The following STEAP2 variants were observed in gnomAD, a reference collection of about 807,000 sequenced individuals.
STEAP2 encodes STEAP2 metalloreductase.
STEAP2 carries 30 observed loss-of-function variants against 46.4 expected under a neutral mutation model. The ratio of observed to expected loss-of-function variants is 0.65; its 90% CI spans 0.48 to 0.88. STEAP2 has a LOEUF of 0.88. STEAP2 is among the 40% of genes least tolerant of loss of function. The pLI, the probability that STEAP2 is intolerant of heterozygous loss-of-function variation, is 0.00. For missense variants in STEAP2, 513 were observed against 579.3 expected, an observed-to-expected ratio of 0.89 and a Z score of 1.18; for synonymous variants, 180 against 200.5, an observed-to-expected ratio of 0.90 and a Z score of 0.86.
rs1039620940 is a variant in STEAP2 at position 90,214,999 on chromosome 7, G to A, written c.-146-1492G>A. On this transcript the variant is annotated intron_variant, in intron 1 of 5. Coordinates refer to ENST00000394621, the MANE Select transcript of STEAP2 (RefSeq NM_001244944.2). ...TAGAGAGGATGACCATGTATATACT[G>A]GGAGCCAGAGTCTGCAGTCATAAGG... Among the ~76,000 whole-genome samples, 23 of 152,244 alleles carry A rather than the reference G, an allele frequency of 1.5e-4. 1 individual carries two copies. The South Asian group carries it at 3.9e-3, about 26-fold the overall frequency.
rs13228098 is a variant in STEAP2, at chr7:90,227,119, G to A, written c.641G>A (p.Gly214Glu). Reference sequence around the variant, plus strand: ...CTACGACTCTTTACTCTCTGGAGAGGGCCAGTGGTGGTAGCTATAAGCTTG... The same window carrying A: ...CTACGACTCTTTACTCTCTGGAGAGAGCCAGTGGTGGTAGCTATAAGCTTG... The part of the protein sequence containing the change: ...LPLRLFTLWR[G>E]PVVVAISLAT... The change falls in exon 4 of 6, where the codon GGG becomes GAG. Residue 214 changes from glycine (G) to glutamate (E), a missense_variant. Physicochemically the swap from Gly to Glu is moderately conservative, Grantham distance 98. Coordinates refer to ENST00000394621, the MANE Select transcript of STEAP2 (RefSeq NM_001244944.2). 41,235 of 1,613,700 alleles carry A rather than the reference G, an allele frequency of 0.026. 651 individuals carry two copies. Among genetic ancestry groups the A allele is most frequent in the Non-Finnish European group, 0.031 (36,923 of 1,179,790 alleles).
chr7:90,234,803 T>C lies in STEAP2; in HGVS notation c.*2179T>C. ...CTCCTGACCTCGTGATCCGCCCGCC[T>C]TGGCCTCCAAAGTGCTGGGATTACA... On this transcript the variant is annotated 3_prime_UTR_variant, in exon 6 of 6. Transcript: ENST00000394621. 1 of 879,948 alleles carries C rather than the reference T, an allele frequency of 1.1e-6. No homozygotes were observed. The highest frequency in any genetic ancestry group is 1.4e-6 in the Non-Finnish European group (1 of 734,182). 54.5% of individuals were successfully genotyped at this position (879,948 alleles called of 1,614,324 possible). A position where few individuals can be genotyped will look rare whatever the true frequency, so the allele number is the denominator to read the frequency against.
chr7:90,235,589 G>C lies in STEAP2; in HGVS notation c.*2965G>C. On this transcript the variant is annotated 3_prime_UTR_variant, in exon 6 of 6. Transcript: ENST00000394621. The stretch of plus-strand genomic sequence containing the variant: ...CCCCTTAGAAAGTTAAAAGAATGTA[G>C]AAAAGATACTCAGTCTTAATCCTAT... 1.0e-6 allele frequency: 1 copy of C among 979,312 alleles called. No individual in the cohort carries two copies. Among genetic ancestry groups the C allele is most frequent in the African/African-American group, 1.8e-5 (1 of 55,894 alleles). The allele number at this position is 979,312 out of a possible 1,614,324, so 60.7% of individuals were successfully genotyped here.
intron 5 of STEAP2, among the ~76,000 whole-genome samples, chr7:90,230,834 T>C (rs766829380): frequency 5.3e-5 from 8 of 151,840 alleles, no homozygotes; most frequent in Non-Finnish European, 1.0e-4. Context: ...TTCAATTCAT[T>C]GCTTATTTGC....
At chr7:90,219,982 C>T (rs561276675) in intron 2 of STEAP2, among the ~76,000 whole-genome samples, 12 of 152,310 alleles carry the variant, frequency 7.9e-5, no homozygotes, top group Admixed American at 6.5e-4. Context: ...CTGCATTGGC[C>T]TCCCAAAGTG....
At chr7:90,231,614 A>C (rs1795751704) in intron 5 of STEAP2, among the ~76,000 whole-genome samples, 1 of 152,012 alleles carries the variant, frequency 6.6e-6, no homozygotes, top group Non-Finnish European at 1.5e-5. Context: ...AAACATATCT[A>C]AACAGAGAAA....
At chr7:90,216,854 G>T (rs1795041317) in intron 2 of STEAP2, among the ~76,000 whole-genome samples, 1 of 152,134 alleles carries the variant, frequency 6.6e-6, no homozygotes, top group Non-Finnish European at 1.5e-5. Flanking sequence ...GGTGGTAGGG[G>T]GGTGACCCGT....
rs942797659 is a variant in STEAP2 at position 90,234,702 on chromosome 7, C to T, written c.*2078C>T. 1.8e-5 allele frequency: 8 copies of T among 452,326 alleles called. No homozygotes were observed. Among genetic ancestry groups the T allele is most frequent in the Non-Finnish European group, 2.3e-5 (8 of 343,270 alleles). 28.0% of individuals were successfully genotyped at this position (452,326 alleles called of 1,614,324 possible). On this transcript the variant is annotated 3_prime_UTR_variant, in exon 6 of 6. Transcript: ENST00000394621. ...AGTAGCTGGGACTACAGGTGCCCGC[C>T]ACCATGCCCGGCTGATTTCTTTTTG...
chr7:90,232,697 T>C lies in STEAP2; in HGVS notation c.*73T>C, dbSNP rs777323471. The C allele has an allele frequency of 1.1e-4, 163 of 1,466,232 alleles. No individual in the cohort carries two copies. Among genetic ancestry groups the C allele is most frequent in the Admixed American group, 2.8e-4 (12 of 43,118 alleles). The allele number at this position is 1,466,232 out of a possible 1,614,324, so 90.8% of individuals were successfully genotyped here. A position where few individuals can be genotyped will look rare whatever the true frequency, so the allele number is the denominator to read the frequency against. ...TATTTTTATGACTTCTACGTTCAGT[T>C]ACAAGTATGCTGTCAAATTATCGTG... On this transcript the variant is annotated 3_prime_UTR_variant, in exon 6 of 6. Transcript: ENST00000394621.
At chr7:90,215,000 G>A (rs1157464389) in intron 1 of STEAP2, among the ~76,000 whole-genome samples, 1 of 152,152 alleles carries the variant, frequency 6.6e-6, no homozygotes, top group Non-Finnish European at 1.5e-5. Flanking sequence ...GTATATACTG[G>A]GAGCCAGAGT....
At position 90,225,273 on chromosome 7, in the gene STEAP2, A is replaced by C. The variant is rs575263490; in HGVS notation, c.191A>C (p.Lys64Thr). Residue 64 changes from lysine (K) to threonine (T), a missense_variant, in exon 3 of 6, where the codon AAG becomes ACG. Coordinates refer to ENST00000394621, the MANE Select transcript of STEAP2 (RefSeq NM_001244944.2). ...GTGGTCATAGGAAGTAGAAATCCTA[A>C]GTTTGCTTCTGAATTTTTTCCTCAT... ...YHVVIGSRNP[K>T]FASEFFPHVV... 5 of 1,613,988 alleles carry C rather than the reference A, an allele frequency of 3.1e-6. No individual in the cohort carries two copies. In the African/African-American group the frequency reaches 6.7e-5, roughly 22 times the overall value.
Position 90,230,045 on chromosome 7 carries a change from G to A in STEAP2, c.1185+9G>A, listed in dbSNP as rs867327012. 1 of 1,608,552 alleles carries A rather than the reference G, an allele frequency of 6.2e-7. No individual in the cohort carries two copies. Among genetic ancestry groups the A allele is most frequent in the East Asian group, 2.2e-5 (1 of 44,790 alleles). ...AATTCAGTTTTATTCAGGTATGTGG[G>A]GTTTTGTTTGGTGAAGGATTGTGCA... On this transcript the variant is annotated intron_variant, in intron 5 of 5. Coordinates refer to ENST00000394621, the MANE Select transcript of STEAP2 (RefSeq NM_001244944.2).
Position 90,237,655 on chromosome 7 carries a change from T to A in STEAP2, c.*5031T>A, listed in dbSNP as rs992478050. ...AATGTTGTATACACGTGGATTTTTTTCTCATTAAATAATAATTCTAGTATT... is the reference window on the plus strand; with the variant it reads ...AATGTTGTATACACGTGGATTTTTTACTCATTAAATAATAATTCTAGTATT... On this transcript the variant is annotated 3_prime_UTR_variant, in exon 6 of 6. Coordinates refer to ENST00000394621, the MANE Select transcript of STEAP2 (RefSeq NM_001244944.2). 5 of 156,604 alleles carry A rather than the reference T, an allele frequency of 3.2e-5. No homozygotes were observed. Among genetic ancestry groups the A allele is most frequent in the Admixed American group, 3.1e-4 (5 of 16,156 alleles). The allele number at this position is 156,604 out of a possible 1,614,324, so 9.7% of individuals were successfully genotyped here.
In STEAP2 at chr7:90,237,134, T is replaced by A; in HGVS notation, c.*4510T>A. The A allele has an allele frequency of 1.7e-6, 1 of 597,780 alleles. No homozygotes were observed. The highest frequency in any genetic ancestry group is 2.8e-6 in the Non-Finnish European group (1 of 358,838). 37.0% of individuals were successfully genotyped at this position (597,780 alleles called of 1,614,324 possible). Reference sequence around the variant, plus strand: ...TATAACAGGAGCCCTGGCAGCTGTCTCCAGAGGATCAAAGCCACACCCAAA... The same window carrying A: ...TATAACAGGAGCCCTGGCAGCTGTCACCAGAGGATCAAAGCCACACCCAAA... On this transcript the variant is annotated 3_prime_UTR_variant, in exon 6 of 6. Coordinates refer to ENST00000394621, the MANE Select transcript of STEAP2 (RefSeq NM_001244944.2).
chr7:90,220,583 T>C (rs1795214201), intron 2 of STEAP2, among the ~76,000 whole-genome samples: 1 of 152,174 alleles, frequency 6.6e-6, no homozygotes, highest in Non-Finnish European at 1.5e-5. Context: ...AAACTTTTTG[T>C]TTCATCCATC....
rs17865520 is a variant in STEAP2, at chr7:90,227,099, A to G, written c.621A>G (p.Arg207=). The stretch of plus-strand genomic sequence containing the variant: ...GAGAGATTGAAAATTTACCCCTACG[A>G]CTCTTTACTCTCTGGAGAGGGCCAG... ...SAREIENLPL[R]LFTLWRGPVV... The change falls in exon 4 of 6, where the codon CGA becomes CGG. Residue 207 remains arginine, a synonymous_variant. Transcript: ENST00000394621. The G allele has an allele frequency of 0.033, 53,816 of 1,613,168 alleles. 1,001 individuals carry two copies. The highest frequency in any genetic ancestry group is 0.05 in the Middle Eastern group (302 of 6,050).
chr7:90,236,758 C>T lies in STEAP2; in HGVS notation c.*4134C>T. The T allele has an allele frequency of 7.0e-7, 1 of 1,428,680 alleles. No individual in the cohort carries two copies. Among genetic ancestry groups the T allele is most frequent in the Non-Finnish European group, 9.1e-7 (1 of 1,092,898 alleles). 88.5% of individuals were successfully genotyped at this position (1,428,680 alleles called of 1,614,324 possible). The stretch of plus-strand genomic sequence containing the variant: ...TATTGAATTTCCATCATGCATTCAT[C>T]CAAAATTAAGGCAGACTGTTTGGAT... On this transcript the variant is annotated 3_prime_UTR_variant, in exon 6 of 6. Coordinates refer to ENST00000394621, the MANE Select transcript of STEAP2 (RefSeq NM_001244944.2).
In STEAP2 at chr7:90,233,981, A is replaced by G. The variant is rs1322967485; in HGVS notation, c.*1357A>G. 4.1e-6 allele frequency: 4 copies of G among 985,298 alleles called. No homozygotes were observed. Among genetic ancestry groups the G allele is most frequent in the South Asian group, 9.4e-5 (2 of 21,294 alleles). The allele number at this position is 985,298 out of a possible 1,614,324, so 61.0% of individuals were successfully genotyped here. On this transcript the variant is annotated 3_prime_UTR_variant, in exon 6 of 6. Coordinates refer to ENST00000394621, the MANE Select transcript of STEAP2 (RefSeq NM_001244944.2). ...TGAGCCTGGAGACCCATGGCAGTCCATATGCCTCCCTATGCAGTGAAGGGC... is the reference window on the plus strand; with the variant it reads ...TGAGCCTGGAGACCCATGGCAGTCCGTATGCCTCCCTATGCAGTGAAGGGC...
intron 1 of STEAP2, among the ~76,000 whole-genome samples, chr7:90,212,715 C>G (rs1259157349): frequency 2.0e-5 from 3 of 152,076 alleles, no homozygotes; most frequent in African/African-American, 7.2e-5. Context: ...GGATTGGTGT[C>G]AGTTTTTACT....
Sources: gnomAD v4.1 joint callset for allele counts (sites outside exome capture counted in the v4.1 genomes callset) on GRCh38, gnomAD v4.1.1 for gene constraint, MANE v1.5 for transcripts, NCBI Gene and HGNC (gene_info 2026-07-23, HGNC 2026-07-21) for gene names.